Variants in ANKH observed in about 807,000 individuals in gnomAD.
ANKH encodes the protein ANKH inorganic pyrophosphate transport regulator.
Under a neutral mutation model 49.0 loss-of-function variants are expected in ANKH, and 15 were observed. The observed-to-expected ratio is 0.31, with a 90% CI of 0.20 to 0.47. ANKH has a LOEUF of 0.47. Ranked by LOEUF, ANKH falls within the 20% of genes least tolerant of loss-of-function variation. ANKH has a pLI of 1.00. For missense variants in ANKH, 429 were observed against 652.0 expected (o/e 0.66, Z 3.72); for synonymous variants, 273 against 260.0 (o/e 1.05, Z -0.48).
At chr5:14,807,852 G>A (rs1009928462) in intron 1 of ANKH, among the ~76,000 whole-genome samples, 21 of 152,108 alleles carry the variant, frequency 1.4e-4, no homozygotes, top group South Asian at 4.1e-4. Context: ...TGAGAGGTCG[G>A]GGGGGTTACT....
intron 5 of ANKH, 91 bp from the exon 6 acceptor site, chr5:14,749,397 A>C (rs1738642242): frequency 7.1e-7 from 1 of 1,408,980 alleles, no homozygotes; most frequent in African/African-American, 1.4e-5. Context: ...TTCGTATGTT[A>C]ATCACAAGCC....
chr5:14,795,669 C>T (rs1015771174), intron 1 of ANKH, among the ~76,000 whole-genome samples: 6 of 152,182 alleles, frequency 3.9e-5, no homozygotes, highest in South Asian at 4.2e-4. Flanking sequence ...GCCAACATGG[C>T]GAAACCCCAT....
chr5:14,730,140 A>G (rs1049262777), intron 8 of ANKH, among the ~76,000 whole-genome samples: 1 of 152,070 alleles, frequency 6.6e-6, no homozygotes, highest in Non-Finnish European at 1.5e-5. Context: ...ACAGCACACA[A>G]GGAGGGGACC....
At chr5:14,797,486 A>G in intron 1 of ANKH, 1 of 1,611,312 alleles carries the variant, frequency 6.2e-7, no homozygotes, top group Non-Finnish European at 8.5e-7. Context: ...TAAGTTTCAG[A>G]TTTCTCAGAT....
At position 14,863,519 on chromosome 5, in the gene ANKH, C is replaced by T. The variant is rs532631430; in HGVS notation, c.96+7833G>A. Among the ~76,000 whole-genome samples the T allele has an allele frequency of 6.6e-4, 100 of 152,290 alleles. 2 individuals carry two copies. Among genetic ancestry groups the T allele is most frequent in the South Asian group, 8.3e-4 (4 of 4,820 alleles). On this transcript the variant is annotated intron_variant, in intron 1 of 11. Transcript: ENST00000284268. ...AAAAAAAGGAAAAACCCAGTGACTT[C>T]CACTTTGAAGTATTAGCTTCAGTTA...
intron 1 of ANKH, among the ~76,000 whole-genome samples, chr5:14,847,026 T>C (rs1410978090): frequency 1.1e-5 from 1 of 95,176 alleles, no homozygotes; most frequent in South Asian, 3.5e-4. Context: ...AAAAAAACAA[T>C]GAAACTCGAG....
intron 1 of ANKH, among the ~76,000 whole-genome samples, chr5:14,830,234 T>C (rs1741462581): frequency 1.3e-5 from 2 of 152,218 alleles, no homozygotes; most frequent in African/African-American, 2.4e-5. Flanking sequence ...TTCAAAATCA[T>C]CCTCTTTTAT....
chr5:14,825,292 A>G (rs1236155803), intron 1 of ANKH, among the ~76,000 whole-genome samples: 1 of 152,190 alleles, frequency 6.6e-6, no homozygotes, highest in Non-Finnish European at 1.5e-5. Flanking sequence ...TCTTTCTACT[A>G]CTATACATCT....
chr5:14,792,041 T>G (rs1030940483), intron 1 of ANKH, among the ~76,000 whole-genome samples: 5 of 152,296 alleles, frequency 3.3e-5, no homozygotes, highest in Middle Eastern at 6.8e-3. Flanking sequence ...GCAAGCTGCC[T>G]GTGCTGAAGA....
chr5:14,758,232 G>C (rs928628597), intron 3 of ANKH, among the ~76,000 whole-genome samples: 1 of 152,212 alleles, frequency 6.6e-6, no homozygotes, highest in African/African-American at 2.4e-5. Context: ...CCAATTTGTA[G>C]AGTTACAAAG....
chr5:14,835,513 A>G (rs1404686552), intron 1 of ANKH, among the ~76,000 whole-genome samples: 1 of 152,150 alleles, frequency 6.6e-6, no homozygotes, highest in Non-Finnish European at 1.5e-5. Flanking sequence ...ACTCTTCCCT[A>G]AGAGACTGAG....
At chr5:14,841,278 A>G (rs1347050693) in intron 1 of ANKH, among the ~76,000 whole-genome samples, 2 of 151,960 alleles carry the variant, frequency 1.3e-5, no homozygotes, top group Non-Finnish European at 2.9e-5. Flanking sequence ...TAAAATAGAC[A>G]TAACATAAAA....
intron 8 of ANKH, among the ~76,000 whole-genome samples, chr5:14,727,852 T>C (rs1459687401): frequency 2.0e-5 from 3 of 152,182 alleles, no homozygotes; most frequent in African/African-American, 7.2e-5. Context: ...GTTGGTACAC[T>C]GTATGTGTAT....
chr5:14,781,261 C>A (rs914784303), intron 1 of ANKH, among the ~76,000 whole-genome samples: 20 of 152,194 alleles, frequency 1.3e-4, no homozygotes, highest in Admixed American at 1.1e-3. Context: ...GAACTTCACG[C>A]CCACACATGA....
intron 2 of ANKH, among the ~76,000 whole-genome samples, chr5:14,765,633 GA>G (rs1276367274): frequency 6.6e-6 from 1 of 152,136 alleles, no homozygotes; most frequent in African/African-American, 2.4e-5. Flanking sequence ...GAAATGTAAG[GA>G]AAAAGAATTC....
chr5:14,750,075 CTAGATAGGATTTTACTGACAGTCTG>C (rs1485911654), intron 5 of ANKH, among the ~76,000 whole-genome samples: 2 of 152,178 alleles, frequency 1.3e-5, no homozygotes, highest in African/African-American at 2.4e-5. Flanking sequence ...GATGGGATAA[CTAGATAGGATTTTACTGACAGTCTG>C]ACCTCAGATG....
At chr5:14,719,136 C>T (rs1027303722) in intron 8 of ANKH, among the ~76,000 whole-genome samples, 27 of 152,226 alleles carry the variant, frequency 1.8e-4, no homozygotes, top group African/African-American at 6.3e-4. Context: ...TCACTGAACA[C>T]AACTGGGGAC....
rs1737470630 is a variant in ANKH, at chr5:14,716,570, A to C, written c.1141+136T>G. The C allele has an allele frequency of 3.6e-6, 4 of 1,099,078 alleles. No homozygotes were observed. The African/African-American group carries it at 4.7e-5, about 13-fold the overall frequency. 68.1% of individuals were successfully genotyped at this position (1,099,078 alleles called of 1,614,324 possible). Reference sequence around the variant, plus strand: ...TTCTTGAACTTTTAACCTACTGGCTAATGTTTTTGCATCTTTCTAAGCCAC... The same window carrying C: ...TTCTTGAACTTTTAACCTACTGGCTCATGTTTTTGCATCTTTCTAAGCCAC... On this transcript the variant is annotated intron_variant, in intron 9 of 11. Coordinates refer to ENST00000284268, the MANE Select transcript of ANKH (RefSeq NM_054027.6).
At chr5:14,743,769 T>A (rs1332441468) in intron 7 of ANKH, among the ~76,000 whole-genome samples, 1 of 152,204 alleles carries the variant, frequency 6.6e-6, no homozygotes, top group Non-Finnish European at 1.5e-5. Context: ...TTAAAAGGAT[T>A]TGGAGTAACT....
Sources: allele counts gnomAD v4.1 joint callset (sites outside exome capture counted in the v4.1 genomes callset), GRCh38; gene constraint gnomAD v4.1.1; transcripts MANE v1.5; gene names NCBI Gene and HGNC (gene_info 2026-07-23, HGNC 2026-07-21).